The following URB1 variants were observed in gnomAD, a reference collection of about 807,000 sequenced individuals.
The protein encoded by URB1 is nucleolar pre-ribosomal-associated protein 1.
In URB1, 197 loss-of-function variants were observed where a neutral mutation model predicts 242.3. That is an observed-to-expected ratio of 0.81 (90% confidence interval 0.72 to 0.91). The LOEUF is 0.91. URB1 is among the 40% of genes least tolerant of loss of function. URB1 has a pLI of 0.00. For missense variants in URB1, 2,721 were observed against 2,860.5 expected (o/e 0.95, Z 1.11); for synonymous variants, 1,153 against 1,201.8 (o/e 0.96, Z 0.84).
intron 12 of URB1, among the ~76,000 whole-genome samples, chr21:32,361,600 T>C (rs2033289163): frequency 6.6e-6 from 1 of 152,088 alleles, no homozygotes; most frequent in African/African-American, 2.4e-5. Context: ...AGCACCCCCA[T>C]ACTGTCATCC....
chr21:32,373,896 G>A (rs1161777543), intron 6 of URB1, 124 bp from the exon 7 acceptor site: 11 of 1,046,708 alleles, frequency 1.1e-5, no homozygotes, highest in Non-Finnish European at 1.3e-5. Flanking sequence ...GCTAGTGGCA[G>A]AAAATTTGGT....
chr21:32,355,387 C>T (rs1024000982), intron 16 of URB1, 62 bp downstream of exon 16: 79 of 1,456,752 alleles, frequency 5.4e-5, no homozygotes, highest in Middle Eastern at 1.7e-4. Context: ...GCCTCGATGA[C>T]GCTAAGAAGT....
chr21:32,320,850 C>A (rs1161806425), intron 34 of URB1, among the ~76,000 whole-genome samples: 2 of 152,224 alleles, frequency 1.3e-5, no homozygotes, highest in Non-Finnish European at 2.9e-5. Context: ...CCACAGCAAT[C>A]TCTGGGCCCG....
chr21:32,366,739 G>C lies in URB1; in HGVS notation c.1214C>G (p.Pro405Arg). ...KLLNKIYEAQ[P>R]EISRAFQTRE... ...GGTCTGAAATGCCCGGGAAATCTCC[G>C]GCTGAGCCTCATAGATCTAGGAAAA... The change falls in exon 10 of 39, where the codon CCG (proline) becomes CGG (arginine). Residue 405 changes from proline to arginine, a missense_variant. Transcript: ENST00000382751. 6.4e-7 allele frequency: 1 copy of C among 1,551,524 alleles called. No individual in the cohort carries two copies. The highest frequency in any genetic ancestry group is 8.7e-7 in the Non-Finnish European group (1 of 1,146,886).
chr21:32,361,810 G>A, intron 12 of URB1, 82 bp downstream of exon 12: 1 of 1,485,448 alleles, frequency 6.7e-7, no homozygotes, highest in South Asian at 1.4e-5. Context: ...AGGACTCTCT[G>A]GATAGGAGCT....
rs373701771 is a variant in URB1 at position 32,363,337 on chromosome 21, GAA to G, written c.1336-10_1336-9del. 6.5e-7 allele frequency: 1 copy of G among 1,550,032 alleles called. No individual in the cohort carries two copies. Among genetic ancestry groups the G allele is most frequent in the South Asian group, 1.2e-5 (1 of 83,974 alleles). ...CACTGAGGTGCTGTCCAACTGGGAA[GAA>G]AAAGAGTTAAATGCACACATGTCTC... is the stretch of plus-strand genomic sequence containing the variant. On this transcript the variant is annotated splice_polypyrimidine_tract_variant and intron_variant, in intron 10 of 38. Coordinates refer to ENST00000382751, the MANE Select transcript of URB1 (RefSeq NM_014825.3).
At position 32,363,331 on chromosome 21, in the gene URB1, T is replaced by C; in HGVS notation, c.1336-2A>G. 2 of 1,550,764 alleles carry C rather than the reference T, an allele frequency of 1.3e-6. No individual in the cohort carries two copies. Among genetic ancestry groups the C allele is most frequent in the Non-Finnish European group, 1.7e-6 (2 of 1,146,930 alleles). ...GTGCCTCACTGAGGTGCTGTCCAAC[T>C]GGGAAGAAAAAGAGTTAAATGCACA... On this transcript the variant is annotated splice_acceptor_variant, in intron 10 of 38. Coordinates refer to ENST00000382751, the MANE Select transcript of URB1 (RefSeq NM_014825.3). LOFTEE classifies it high-confidence loss of function.
chr21:32,317,359 A>C (rs1480324574), intron 37 of URB1, among the ~76,000 whole-genome samples: 1 of 152,250 alleles, frequency 6.6e-6, no homozygotes, highest in Non-Finnish European at 1.5e-5. Flanking sequence ...GCCAGGTTCC[A>C]GTCTTTTCCT....
chr21:32,316,823 C>T lies in URB1; in HGVS notation c.6277G>A (p.Val2093Ile), dbSNP rs556682663. ...ASPESDAPGP[V>I]YAAASLAVSW... ...ACTGCCAGGGAAGCGGCAGCATATACGGGGCCTGGCGCATCGCTCTCGGGG... is the reference window on the plus strand; with the variant it reads ...ACTGCCAGGGAAGCGGCAGCATATATGGGGCCTGGCGCATCGCTCTCGGGG... Residue 2093 changes from valine (V) to isoleucine (I), a missense_variant, in exon 38 of 39, where the codon GTA becomes ATA. Val to Ile is a conservative substitution (Grantham distance 29). Transcript: ENST00000382751. 1.9e-5 allele frequency: 29 copies of T among 1,546,548 alleles called. No homozygotes were observed. The African/African-American group carries it at 2.3e-4, about 12-fold the overall frequency.
chr21:32,321,797 G>A lies in URB1; in HGVS notation c.5484+4C>T, dbSNP rs745529126. On this transcript the variant is annotated splice_donor_region_variant and intron_variant, in intron 34 of 38. Coordinates refer to ENST00000382751, the MANE Select transcript of URB1 (RefSeq NM_014825.3). ...TCTCAAATAAGCTTGCGGAACCCATGTACCTGTGCTGCCTCGTCACACAGC... is the reference window on the plus strand; with the variant it reads ...TCTCAAATAAGCTTGCGGAACCCATATACCTGTGCTGCCTCGTCACACAGC... 7 of 1,551,538 alleles carry A rather than the reference G, an allele frequency of 4.5e-6. No homozygotes were observed. In the South Asian group the frequency reaches 8.3e-5, roughly 18 times the overall value.
chr21:32,341,852 G>C (rs1446452886), intron 24 of URB1, among the ~76,000 whole-genome samples: 1 of 152,142 alleles, frequency 6.6e-6, no homozygotes, highest in Non-Finnish European at 1.5e-5. Context: ...ACAAGCATGT[G>C]ATAGCTCAAA....
chr21:32,381,115 T>C lies in URB1; in HGVS notation c.567+2307A>G, dbSNP rs564375837. ...AGGCTCTGCCACTGTCGTGGCCCCC[T>C]GGGGCTCCATCCTCTGTTTCCAGTC... On this transcript the variant is annotated intron_variant, in intron 4 of 38. Coordinates refer to ENST00000382751, the MANE Select transcript of URB1 (RefSeq NM_014825.3). 1.5e-3 allele frequency among the ~76,000 whole-genome samples: 231 copies of C among 152,326 alleles called. 4 individuals carry two copies. The South Asian group carries it at 0.045, about 29-fold the overall frequency.
At chr21:32,358,049 T>C (rs943890165) in intron 14 of URB1, among the ~76,000 whole-genome samples, 1 of 151,984 alleles carries the variant, frequency 6.6e-6, no homozygotes, top group Non-Finnish European at 1.5e-5. Context: ...AAACAAAACA[T>C]AACGTAGCAG....
intron 15 of URB1, among the ~76,000 whole-genome samples, chr21:32,356,819 C>T (rs2033226530): frequency 6.6e-6 from 1 of 152,246 alleles, no homozygotes; most frequent in Admixed American, 6.5e-5. Context: ...CACCTATTTG[C>T]AGTCAGTGAT....
At chr21:32,386,782 T>A (rs929431150) in intron 1 of URB1, among the ~76,000 whole-genome samples, 1 of 152,148 alleles carries the variant, frequency 6.6e-6, no homozygotes, top group African/African-American at 2.4e-5. Context: ...GTATGAGTAT[T>A]TTTTTCCCTA....
intron 36 of URB1, among the ~76,000 whole-genome samples, chr21:32,318,943 C>T (rs1452001037): frequency 1.3e-5 from 2 of 151,916 alleles, no homozygotes; most frequent in Non-Finnish European, 2.9e-5. Flanking sequence ...TGACCTCGTA[C>T]GATGCACATT....
Position 32,347,543 on chromosome 21 carries a change from G to A in URB1, c.3281C>T (p.Pro1094Leu), listed in dbSNP as rs866286675. 213 of 1,551,214 alleles carry A rather than the reference G, an allele frequency of 1.4e-4. No homozygotes were observed. The highest frequency in any genetic ancestry group is 5.5e-4 in the African/African-American group (40 of 73,178). ...LKELQNRRAG[P>L]ATSPPKTPPQ... ...CGGGGTCTTTGGTGGTGATGTGGCCGGGCCCGCCCTCCTGTTCTGAAGTTC... is the reference window on the plus strand; with the variant it reads ...CGGGGTCTTTGGTGGTGATGTGGCCAGGCCCGCCCTCCTGTTCTGAAGTTC... The change falls in exon 22 of 39, where the codon CCG (proline) becomes CTG (leucine). Residue 1094 changes from proline to leucine, a missense_variant. Physicochemically the swap from Pro to Leu is moderately conservative, Grantham distance 98 (BLOSUM62 -3). Coordinates refer to ENST00000382751, the MANE Select transcript of URB1 (RefSeq NM_014825.3).
At chr21:32,378,907 C>T (rs563699526) in intron 4 of URB1, among the ~76,000 whole-genome samples, 31 of 152,364 alleles carry the variant, frequency 2.0e-4, no homozygotes, top group African/African-American at 7.2e-4. Flanking sequence ...CATCTCCTCT[C>T]GCTTGCTGAT....
At chr21:32,317,982 C>T (rs2070380) in intron 36 of URB1, 65 bp from the exon 37 acceptor site, 3 of 1,534,600 alleles carry the variant, frequency 2.0e-6, no homozygotes, top group African/African-American at 2.8e-5. Context: ...GTCAGCACTG[C>T]GGCACCCTGA....
Sources: gnomAD v4.1 joint callset for allele counts (sites outside exome capture counted in the v4.1 genomes callset) on GRCh38, gnomAD v4.1.1 for gene constraint, MANE v1.5 for transcripts, NCBI Gene and HGNC (gene_info 2026-07-23, HGNC 2026-07-21) for gene names.